KHDRBS2: variants seen among roughly 807,000 people sequenced by gnomAD.
KHDRBS2 encodes KH RNA binding domain containing, signal transduction associated 2.
Under a neutral mutation model 44.3 loss-of-function variants are expected in KHDRBS2, and 26 were observed. That is an observed-to-expected ratio of 0.59 (90% CI 0.43 to 0.81). The LOEUF (loss-of-function observed/expected upper bound fraction) is 0.81. Among genes scored for constraint, KHDRBS2 ranks in the 40% least tolerant of loss-of-function variants. The pLI is 0.00. For synonymous variants in KHDRBS2, 194 were observed against 151.1 expected (o/e 1.28, Z -2.08); for missense variants, 476 against 433.1 (o/e 1.10, Z -0.88).
chr6:61,836,778 T>A (rs1315500242), intron 6 of KHDRBS2, among the ~76,000 whole-genome samples: 1 of 152,010 alleles, frequency 6.6e-6, no homozygotes, highest in South Asian at 2.1e-4. Context: ...CACGCATATA[T>A]ACAACAGATT....
chr6:61,860,651 G>A (rs1242317278), intron 6 of KHDRBS2, among the ~76,000 whole-genome samples: 2 of 151,966 alleles, frequency 1.3e-5, no homozygotes, highest in Admixed American at 1.3e-4. Context: ...ACATATCTTT[G>A]CTATTGTGAA....
chr6:62,198,797 T>C (rs568674216), intron 1 of KHDRBS2, among the ~76,000 whole-genome samples: 1 of 152,240 alleles, frequency 6.6e-6, no homozygotes, highest in Non-Finnish European at 1.5e-5. Flanking sequence ...AAGAGAATTT[T>C]AGACCAATAT....
chr6:61,578,644 C>T, the KHDRBS2 span, among the ~76,000 whole-genome samples: 2 of 152,034 alleles, frequency 1.3e-5, no homozygotes, highest in African/African-American at 2.4e-5. Flanking sequence ...TGCCCCATTG[C>T]GTTCGTGTCA....
At chr6:61,804,209 T>A (rs1590258) in intron 6 of KHDRBS2, among the ~76,000 whole-genome samples, 1 of 151,918 alleles carries the variant, frequency 6.6e-6, no homozygotes, top group South Asian at 2.1e-4. Flanking sequence ...TACCGGCCCC[T>A]TGCAAGTCTG....
At chr6:62,262,831 C>A (rs1186516611) in intron 1 of KHDRBS2, among the ~76,000 whole-genome samples, 1 of 151,546 alleles carries the variant, frequency 6.6e-6, no homozygotes, top group East Asian at 1.9e-4. Context: ...AAAAATAAAA[C>A]AAATTTCATA....
At chr6:61,929,997 G>T (rs1018280972) in intron 4 of KHDRBS2, among the ~76,000 whole-genome samples, 1 of 152,126 alleles carries the variant, frequency 6.6e-6, no homozygotes, top group African/African-American at 2.4e-5. Flanking sequence ...GTATTAAGAT[G>T]TAAGGCCTTA....
chr6:61,862,802 A>G (rs2127296227), intron 6 of KHDRBS2, among the ~76,000 whole-genome samples: 2 of 152,198 alleles, frequency 1.3e-5, no homozygotes, highest in Middle Eastern at 6.8e-3. Context: ...TATCTCTGCC[A>G]GGTTTTGGTA....
At chr6:61,553,007 G>A in the KHDRBS2 span, among the ~76,000 whole-genome samples, 28,490 of 152,026 alleles carry the variant, frequency 0.19, 3,047 homozygotes, top group East Asian at 0.29. Context: ...TCAGGATGAT[G>A]GTGGCCTCAT....
At chr6:62,072,205 T>G (rs1179252979) in intron 2 of KHDRBS2, among the ~76,000 whole-genome samples, 1 of 152,220 alleles carries the variant, frequency 6.6e-6, no homozygotes, top group Non-Finnish European at 1.5e-5. Context: ...TCCTGAGACT[T>G]GGCTGAATTT....
chr6:61,937,701 C>A (rs1000002348), intron 4 of KHDRBS2, among the ~76,000 whole-genome samples: 1 of 152,018 alleles, frequency 6.6e-6, no homozygotes, highest in Non-Finnish European at 1.5e-5. Flanking sequence ...CCTCCTTTAT[C>A]CTATAATTAG....
intron 1 of KHDRBS2, among the ~76,000 whole-genome samples, chr6:62,231,768 T>C (rs1832938477): frequency 6.6e-6 from 1 of 152,200 alleles, no homozygotes; most frequent in Non-Finnish European, 1.5e-5. Flanking sequence ...CATTTGTTTA[T>C]TCTTCGTGAA....
At chr6:62,184,331 T>C (rs1209943550) in intron 1 of KHDRBS2, among the ~76,000 whole-genome samples, 2 of 151,702 alleles carry the variant, frequency 1.3e-5, no homozygotes, top group Non-Finnish European at 3.0e-5. Context: ...ACGAGAAAGA[T>C]AGAAAATTTC....
At chr6:61,971,176 T>A (rs1193614380) in intron 4 of KHDRBS2, among the ~76,000 whole-genome samples, 2 of 152,076 alleles carry the variant, frequency 1.3e-5, no homozygotes, top group Admixed American at 6.6e-5. Context: ...TATATATGCA[T>A]CCTTACATAC....
At chr6:61,959,483 TC>T (rs1398684464) in intron 4 of KHDRBS2, among the ~76,000 whole-genome samples, 1 of 152,130 alleles carries the variant, frequency 6.6e-6, no homozygotes, top group African/African-American at 2.4e-5. Flanking sequence ...TCTCTTTACT[TC>T]CTGTCATTCG....
chr6:62,082,732 A>G (rs1343046303), intron 2 of KHDRBS2, among the ~76,000 whole-genome samples: 3 of 152,160 alleles, frequency 2.0e-5, no homozygotes, highest in Non-Finnish European at 4.4e-5. Flanking sequence ...AAACAGGTAT[A>G]AAATAGAGGA....
intron 6 of KHDRBS2, among the ~76,000 whole-genome samples, chr6:61,734,136 G>A (rs1246257366): frequency 1.3e-5 from 2 of 151,890 alleles, no homozygotes; most frequent in Non-Finnish European, 2.9e-5. Context: ...TTTTCACGTG[G>A]TCTTACCATC....
chr6:61,777,205 G>T (rs1288800399), intron 6 of KHDRBS2, among the ~76,000 whole-genome samples: 1 of 151,962 alleles, frequency 6.6e-6, no homozygotes, highest in Non-Finnish European at 1.5e-5. Context: ...GAGTTAATGG[G>T]TGCAGCACAC....
chr6:62,176,919 A>G (rs1466737875), intron 2 of KHDRBS2, among the ~76,000 whole-genome samples: 2 of 151,342 alleles, frequency 1.3e-5, no homozygotes, highest in African/African-American at 2.4e-5. Context: ...AAATTGATAT[A>G]TCATTTATAT....
At chr6:62,128,938 C>T (rs186863802) in intron 2 of KHDRBS2, among the ~76,000 whole-genome samples, 2 of 152,076 alleles carry the variant, frequency 1.3e-5, no homozygotes, top group Admixed American at 1.3e-4. Context: ...TATGCAGTAA[C>T]ATAACAAAGT....
Sources: gnomAD v4.1 joint callset for allele counts (sites outside exome capture counted in the v4.1 genomes callset) on GRCh38, gnomAD v4.1.1 for gene constraint, MANE v1.5 for transcripts, NCBI Gene and HGNC (gene_info 2026-07-23, HGNC 2026-07-21) for gene names.